Variants in SNX19 observed in about 807,000 individuals in gnomAD.
The protein encoded by SNX19 is sorting nexin-19.
A neutral mutation model predicts 85.2 loss-of-function variants in SNX19; 60 were observed. The observed-to-expected ratio is 0.70, with a 90% CI of 0.57 to 0.87. The LOEUF is 0.87. Among genes scored for constraint, SNX19 ranks in the 40% least tolerant of loss-of-function variants. The pLI, the probability that SNX19 is intolerant of heterozygous loss-of-function variation, is 0.00. For missense variants in SNX19, 1,201 were observed against 1,217.8 expected, an observed-to-expected ratio of 0.99 and a Z score of 0.21; for synonymous variants, 520 against 470.0, an observed-to-expected ratio of 1.11 and a Z score of -1.38.
intron 5 of SNX19, 100 bp downstream of exon 5, chr11:130,907,853 C>A: frequency 6.5e-7 from 1 of 1,538,170 alleles, no homozygotes; most frequent in East Asian, 2.3e-5. Context: ...TGACCCACCT[C>A]CTTTCCTCTA....
rs1328075130 is a variant in SNX19, at chr11:130,869,672, T to C, written c.*8750A>G. ...AGTTGTGTGAATAGTTTGCAACATA[T>C]AAAGAATTGGTCAAAATGTTTATTC... On this transcript the variant is annotated 3_prime_UTR_variant, in exon 11 of 11. Transcript: ENST00000265909. The C allele has an allele frequency of 6.6e-6, 1 of 152,202 alleles. No individual in the cohort carries two copies. The highest frequency in any genetic ancestry group is 1.9e-4 in the East Asian group (1 of 5,196). 9.4% of individuals were successfully genotyped at this position (152,202 alleles called of 1,614,324 possible).
At chr11:130,911,539 T>A (rs1354651475) in intron 2 of SNX19, 94 bp downstream of exon 2, 1 of 1,570,414 alleles carries the variant, frequency 6.4e-7, no homozygotes, top group Non-Finnish European at 8.6e-7. Flanking sequence ...GAAACGGCAT[T>A]CTCCTCCCCG....
chr11:130,879,702 A>G lies in SNX19; in HGVS notation c.2768T>C (p.Val923Ala), dbSNP rs780467524. The change falls in exon 10 of 11, where the codon GTA becomes GCA. Residue 923 changes from valine to alanine, a missense_variant. Physicochemically the swap from Val to Ala is moderately conservative, Grantham distance 64. This residue lies in a region of SNX19 where 285 missense variants were observed against 295.3 expected (regional missense o/e 0.97). Transcript: ENST00000265909. ...GCATTTGTTCACCCCAAGAATTTCT[A>G]CTACGAGATCTGAGGAGGAAAAAAC... ...SLMGVLPDLV[V>A]EILGVNKCRL... The G allele has an allele frequency of 3.1e-6, 5 of 1,613,888 alleles. No individual in the cohort carries two copies. Among genetic ancestry groups the G allele is most frequent in the Non-Finnish European group, 4.2e-6 (5 of 1,179,866 alleles).
At chr11:130,892,180 T>C (rs1944546001) in intron 8 of SNX19, among the ~76,000 whole-genome samples, 1 of 149,918 alleles carries the variant, frequency 6.7e-6, no homozygotes, top group Non-Finnish European at 1.5e-5. Context: ...CTAGTGTGCC[T>C]CTGAAGTCTT....
chr11:130,897,087 C>A (rs1356510425), intron 8 of SNX19, among the ~76,000 whole-genome samples: 1 of 152,150 alleles, frequency 6.6e-6, no homozygotes, highest in Non-Finnish European at 1.5e-5. Context: ...CCGCAGCTCT[C>A]CTGACCTTTC....
intron 4 of SNX19, chr11:130,908,308 C>T (rs1157239944): frequency 2.8e-6 from 1 of 358,974 alleles, no homozygotes; most frequent in East Asian, 4.6e-5. Flanking sequence ...AGGAGTAAAA[C>T]AAACAACGCC....
chr11:130,874,964 A>AAAG lies in SNX19; in HGVS notation c.*3455_*3457dup, dbSNP rs1325557003. ...TATGGAAAACAGTATGAAGGTCTTC[A>AAAG]AAGAATTAAAAACAGAACAATATAT... On this transcript the variant is annotated 3_prime_UTR_variant, in exon 11 of 11. Coordinates refer to ENST00000265909, the MANE Select transcript of SNX19 (RefSeq NM_014758.3). Among the ~76,000 whole-genome samples the AAAG allele has an allele frequency of 6.6e-6, 1 of 152,250 alleles. No individual in the cohort carries two copies. The highest frequency in any genetic ancestry group is 1.5e-5 in the Non-Finnish European group (1 of 68,046).
intron 8 of SNX19, among the ~76,000 whole-genome samples, chr11:130,894,524 G>A (rs978328622): frequency 1.3e-5 from 2 of 152,150 alleles, no homozygotes; most frequent in African/African-American, 4.8e-5. Context: ...TCAACATCAC[G>A]GCAGGGGACC....
chr11:130,871,316 C>G lies in SNX19; in HGVS notation c.*7106G>C, dbSNP rs1943018189. ...CTGCCCTCACTATTCTTGAAAAAGC[C>G]ACTTGCATTTATAGATAACAGAGGG... On this transcript the variant is annotated 3_prime_UTR_variant, in exon 11 of 11. Transcript: ENST00000265909. Among the ~76,000 whole-genome samples, 1 of 152,100 alleles carries G rather than the reference C, an allele frequency of 6.6e-6. No homozygotes were observed. The highest frequency in any genetic ancestry group is 2.4e-5 in the African/African-American group (1 of 41,408).
Position 130,911,583 on chromosome 11 carries a change from G to A in SNX19, c.1813+50C>T. ...CATAAACCAACAGGCCAATCAGCGT[G>A]GCTCGACGTGGGAAGCAAGCGGGCA... is the stretch of plus-strand genomic sequence containing the variant. On this transcript the variant is annotated intron_variant, in intron 2 of 10. Coordinates refer to ENST00000265909, the MANE Select transcript of SNX19 (RefSeq NM_014758.3). The A allele has an allele frequency of 2.5e-6, 4 of 1,610,810 alleles. 1 individual carries two copies. The South Asian group carries it at 4.4e-5, about 18-fold the overall frequency.
In SNX19 at chr11:130,903,710, T is replaced by TACAC. The variant is rs1169329974; in HGVS notation, c.2444-330_2444-327dup. ...GTGTATATATACATATATATATATATACACATACACACACACACACACACA... is the reference window on the plus strand; with the variant it reads ...GTGTATATATACATATATATATATATACACACACATACACACACACACACACACA... On this transcript the variant is annotated intron_variant, in intron 7 of 10. Transcript: ENST00000265909. 1.2e-4 allele frequency among the ~76,000 whole-genome samples: 12 copies of TACAC among 98,986 alleles called. No individual in the cohort carries two copies. The East Asian group carries it at 2.1e-3, about 18-fold the overall frequency. 64.9% of individuals were successfully genotyped at this position (98,986 alleles called of 152,430 possible). A position where few individuals can be genotyped will look rare whatever the true frequency, so the allele number is the denominator to read the frequency against.
chr11:130,881,351 C>T (rs1207878312), intron 8 of SNX19, among the ~76,000 whole-genome samples: 2 of 152,094 alleles, frequency 1.3e-5, no homozygotes, highest in Admixed American at 6.5e-5. Flanking sequence ...ATTTATGGAG[C>T]GTTCACTATG....
intron 2 of SNX19, among the ~76,000 whole-genome samples, chr11:130,910,797 G>A (rs1324718896): frequency 1.3e-5 from 2 of 152,178 alleles, no homozygotes; most frequent in African/African-American, 4.8e-5. Flanking sequence ...TGTTAAGAAA[G>A]AAAATACATA....
At chr11:130,879,561 A>C in intron 10 of SNX19, 63 bp downstream of exon 10, 1 of 1,395,726 alleles carries the variant, frequency 7.2e-7, no homozygotes. Flanking sequence ...GAAACCTTGG[A>C]TACCTCTGAG....
intron 6 of SNX19, 29 bp downstream of exon 6, chr11:130,906,596 C>A: frequency 6.7e-7 from 1 of 1,489,046 alleles, no homozygotes; most frequent in Non-Finnish European, 9.4e-7. Context: ...GATATTTTTG[C>A]CTCACATTCT....
Position 130,866,322 on chromosome 11 carries a change from T to C in SNX19, c.*12100A>G, listed in dbSNP as rs1389429852. 6.6e-5 allele frequency: 10 copies of C among 152,212 alleles called. No individual in the cohort carries two copies. Among genetic ancestry groups the C allele is most frequent in the Non-Finnish European group, 1.5e-4 (10 of 68,042 alleles). 9.4% of individuals were successfully genotyped at this position (152,212 alleles called of 1,614,324 possible). ...GTACAAACCAACATGCAACATAGTC[T>C]TCATTCTTAAAAAGTACATAGTAAA... On this transcript the variant is annotated 3_prime_UTR_variant, in exon 11 of 11. Transcript: ENST00000265909.
intron 8 of SNX19, among the ~76,000 whole-genome samples, chr11:130,896,683 A>C (rs577741082): frequency 6.6e-6 from 1 of 152,204 alleles, no homozygotes; most frequent in South Asian, 2.1e-4. Flanking sequence ...ATCTGAATGT[A>C]ATTTTCTTCA....
At chr11:130,895,269 T>C in intron 8 of SNX19, 1 of 984,178 alleles carries the variant, frequency 1.0e-6, no homozygotes, top group African/African-American at 1.7e-5. Context: ...TAACTGAAGA[T>C]CTGGGTATGC....
intron 8 of SNX19, among the ~76,000 whole-genome samples, chr11:130,902,320 T>G (rs1039185002): frequency 1.3e-5 from 2 of 152,244 alleles, no homozygotes; most frequent in African/African-American, 4.8e-5. Flanking sequence ...TATGATTCAA[T>G]TTTATTAAAC....
Sources: allele counts gnomAD v4.1 joint callset (sites outside exome capture counted in the v4.1 genomes callset), GRCh38; gene constraint gnomAD v4.1.1; regional missense constraint gnomAD v4.1.1; transcripts MANE v1.5; gene names NCBI Gene and HGNC (gene_info 2026-07-23, HGNC 2026-07-21).